UGCG: variants seen among roughly 807,000 people sequenced by gnomAD.
The protein encoded by UGCG is UDP-glucose ceramide glucosyltransferase, also known as ceramide glucosyltransferase.
In UGCG, 10 loss-of-function variants were observed where a neutral mutation model predicts 49.5. The ratio of observed to expected loss-of-function variants is 0.20; its 90% CI spans 0.12 to 0.34. The LOEUF (loss-of-function observed/expected upper bound fraction) is 0.34, where lower values mean the gene tolerates loss of function less well. UGCG is among the 10% of genes least tolerant of loss of function. The pLI is 1.00. For synonymous variants in UGCG, 182 were observed against 158.2 expected, an observed-to-expected ratio of 1.15 and a Z score of -1.13; for missense variants, 312 against 483.7, an observed-to-expected ratio of 0.65 and a Z score of 3.33.
At chr9:111,909,703 A>G (rs1357129654) in intron 1 of UGCG, among the ~76,000 whole-genome samples, 1 of 152,254 alleles carries the variant, frequency 6.6e-6, no homozygotes, top group African/African-American at 2.4e-5. Context: ...TGCTGAGCCT[A>G]GTGCTAGAGG....
chr9:111,920,174 G>C (rs1194616135), intron 2 of UGCG, among the ~76,000 whole-genome samples: 1 of 152,024 alleles, frequency 6.6e-6, no homozygotes, highest in African/African-American at 2.4e-5. Context: ...CATCATTAGA[G>C]GTAGATATTG....
chr9:111,925,270 A>G (rs867881217), intron 4 of UGCG, among the ~76,000 whole-genome samples: 2 of 152,238 alleles, frequency 1.3e-5, no homozygotes, highest in African/African-American at 4.8e-5. Context: ...ATATTTTACT[A>G]AAACACATAC....
intron 2 of UGCG, among the ~76,000 whole-genome samples, chr9:111,918,363 G>T (rs1417570492): frequency 6.6e-6 from 1 of 152,082 alleles, no homozygotes; most frequent in African/African-American, 2.4e-5. Context: ...TTTTAATACA[G>T]GGATTCTTAG....
chr9:111,901,883 A>G (rs544595317), intron 1 of UGCG, among the ~76,000 whole-genome samples: 2 of 152,040 alleles, frequency 1.3e-5, no homozygotes, highest in African/African-American at 4.8e-5. Flanking sequence ...TCGATTTTAT[A>G]TTTCTTATTG....
intron 2 of UGCG, among the ~76,000 whole-genome samples, chr9:111,919,820 T>C (rs979622640): frequency 4.7e-5 from 7 of 150,172 alleles, no homozygotes; most frequent in Admixed American, 6.6e-5. Context: ...AAAGAAACTA[T>C]GCTATGTTTG....
chr9:111,929,909 C>T (rs143888310), intron 6 of UGCG, among the ~76,000 whole-genome samples: 2,898 of 152,234 alleles, frequency 0.019, 45 homozygotes, highest in East Asian at 0.063. Flanking sequence ...GCCTCTGCCT[C>T]CCGGGTTCAG....
chr9:111,914,517 A>G, intron 1 of UGCG, 88 bp from the exon 2 acceptor site: 2 of 1,319,432 alleles, frequency 1.5e-6, no homozygotes, highest in Non-Finnish European at 2.1e-6. Flanking sequence ...TTAACTTAGA[A>G]TTTAGGGATT....
chr9:111,897,190 G>GC lies in UGCG; in HGVS notation c.-24dup. ...TTGTCCGTGTTGGCGGCCGCAGCGG[G>GC]CCGGGCCGGTCCGGCGGGCCGGGGG... On this transcript the variant is annotated 5_prime_UTR_variant, in exon 1 of 9. Coordinates refer to ENST00000374279, the MANE Select transcript of UGCG (RefSeq NM_003358.3). 6.5e-7 allele frequency: 1 copy of GC among 1,536,756 alleles called. No individual in the cohort carries two copies. The highest frequency in any genetic ancestry group is 1.2e-5 in the South Asian group (1 of 83,652).
chr9:111,926,335 A>G, intron 4 of UGCG, 49 bp from the exon 5 acceptor site: 2 of 1,380,358 alleles, frequency 1.4e-6, no homozygotes, highest in Non-Finnish European at 2.0e-6. Flanking sequence ...CATTCTACTA[A>G]AAACAAATTT....
At chr9:111,918,880 G>A (rs528394711) in intron 2 of UGCG, among the ~76,000 whole-genome samples, 143 of 149,008 alleles carry the variant, frequency 9.6e-4, no homozygotes, top group African/African-American at 3.3e-3. Context: ...AGCGGAGATC[G>A]CGCCACAGCA....
In UGCG at chr9:111,932,990, A is replaced by T; in HGVS notation, c.1178A>T (p.Asp393Val). 5.1e-6 allele frequency: 8 copies of T among 1,580,584 alleles called. No homozygotes were observed. The highest frequency in any genetic ancestry group is 6.9e-6 in the Non-Finnish European group (8 of 1,163,074). ...GGGGGTACAGCAGAGGAAATCCTAG[A>T]TGTATAACTACAGCTTTGTGACTGT... is the stretch of plus-strand genomic sequence containing the variant. ...RCGGTAEEIL[D>V]V The change falls in exon 9 of 9, where the codon GAT becomes GTT. Residue 393 changes from aspartate to valine, a missense_variant. This residue lies in a region of UGCG where 180 missense variants were observed against 320.4 expected (regional missense o/e 0.56). Coordinates refer to ENST00000374279, the MANE Select transcript of UGCG (RefSeq NM_003358.3).
intron 1 of UGCG, 111 bp from the exon 2 acceptor site, chr9:111,914,494 A>T: frequency 8.9e-7 from 1 of 1,126,500 alleles, no homozygotes; most frequent in Non-Finnish European, 1.2e-6. Context: ...AAAGATGTCA[A>T]GTTTTAAAAA....
intron 1 of UGCG, among the ~76,000 whole-genome samples, chr9:111,902,467 A>G (rs567306758): frequency 7.2e-5 from 11 of 152,390 alleles, no homozygotes; most frequent in African/African-American, 2.2e-4. Flanking sequence ...GTCATGATAT[A>G]CTGATTATAA....
chr9:111,932,625 C>T (rs573091451), intron 8 of UGCG, among the ~76,000 whole-genome samples: 1 of 152,226 alleles, frequency 6.6e-6, no homozygotes, highest in African/African-American at 2.4e-5. Flanking sequence ...ACTAATAAGA[C>T]ATTAAGATAG....
chr9:111,916,956 G>A (rs1319969469), intron 2 of UGCG, among the ~76,000 whole-genome samples: 2 of 151,500 alleles, frequency 1.3e-5, no homozygotes, highest in African/African-American at 4.8e-5. Context: ...ACCAGCCTGG[G>A]CAACACAGTG....
chr9:111,932,878 C>T lies in UGCG; in HGVS notation c.1066C>T (p.Arg356Cys), dbSNP rs1363213209. ...TGATTATGCAGTCGCCTGGTTCATCCGCGAATCCATGACAATATACATTTT... is the reference window on the plus strand; with the variant it reads ...TGATTATGCAGTCGCCTGGTTCATCTGCGAATCCATGACAATATACATTTT... The part of the protein sequence containing the change: ...KLDYAVAWFI[R>C]ESMTIYIFLS... Residue 356 changes from arginine to cysteine, a missense_variant, in exon 9 of 9, where the codon CGC (arginine) becomes TGC (cysteine). Around this residue, in one of 4 missense-constraint regions of UGCG, gnomAD observed 180 missense variants for 320.4 expected, o/e 0.56. Coordinates refer to ENST00000374279, the MANE Select transcript of UGCG (RefSeq NM_003358.3). 1.9e-6 allele frequency: 3 copies of T among 1,610,696 alleles called. No homozygotes were observed. Among genetic ancestry groups the T allele is most frequent in the Non-Finnish European group, 1.7e-6 (2 of 1,178,212 alleles).
chr9:111,919,206 A>G (rs952088344), intron 2 of UGCG, among the ~76,000 whole-genome samples: 5 of 152,234 alleles, frequency 3.3e-5, no homozygotes, highest in Admixed American at 6.5e-5. Flanking sequence ...ATAGCATTAA[A>G]AAAGCATTAA....
At chr9:111,932,762 A>T in intron 8 of UGCG, 65 bp from the exon 9 acceptor site, 1 of 1,420,954 alleles carries the variant, frequency 7.0e-7, no homozygotes, top group East Asian at 2.3e-5. Context: ...CAAGAATTTA[A>T]TTTTTTAACC....
chr9:111,926,356 C>A, intron 4 of UGCG, 28 bp from the exon 5 acceptor site: 2 of 1,531,018 alleles, frequency 1.3e-6, no homozygotes, highest in Non-Finnish European at 8.9e-7. Context: ...TCTTTTCTCC[C>A]CCTCTCTGCC....
Sources: allele counts gnomAD v4.1 joint callset (sites outside exome capture counted in the v4.1 genomes callset), GRCh38; gene constraint gnomAD v4.1.1; regional missense constraint gnomAD v4.1.1; transcripts MANE v1.5; gene names NCBI Gene and HGNC (gene_info 2026-07-23, HGNC 2026-07-21).